Variants in PCDH15 observed in about 807,000 individuals in gnomAD.
PCDH15 encodes protocadherin-15.
In PCDH15, 129 loss-of-function variants were observed where a neutral mutation model predicts 178.5. That is an observed-to-expected ratio of 0.72 (90% CI 0.63 to 0.84). The LOEUF is 0.84. PCDH15 is among the 40% of genes least tolerant of loss of function. The probability of loss-of-function intolerance (pLI) is 0.00; values close to 1 mark genes in which losing one functional copy is unlikely to be tolerated. For synonymous variants in PCDH15, 800 were observed against 732.0 expected (o/e 1.09, Z -1.50); for missense variants, 2,230 against 2,099.9 (o/e 1.06, Z -1.21).
chr10:55,281,795 C>G (rs1274311140), intron 1 of PCDH15, among the ~76,000 whole-genome samples: 1 of 152,104 alleles, frequency 6.6e-6, no homozygotes, highest in African/African-American at 2.4e-5. Flanking sequence ...CCAGAATTTT[C>G]TCTTTTGATA....
rs759094376 is a variant in PCDH15 at position 53,831,454 on chromosome 10, G to A, written c.4063C>T (p.Arg1355Trp). ...ATGCTGGTCACTGCCTCTGGAGTCCGGATCTCCAGAATGCGTCCTCCTTCC... is the reference window on the plus strand; with the variant it reads ...ATGCTGGTCACTGCCTCTGGAGTCCAGATCTCCAGAATGCGTCCTCCTTCC... ...YGEGGRILEI[R>W]TPEAVTSIKK... is the part of the protein sequence containing the mutation. The change falls in exon 30 of 38, where the codon CGG becomes TGG. Residue 1355 changes from arginine (R) to tryptophan (W), a missense_variant. By Grantham distance (101) the Arg-to-Trp change is moderately radical. Transcript: ENST00000644397. 8.1e-6 allele frequency: 13 copies of A among 1,613,950 alleles called. No homozygotes were observed. Among genetic ancestry groups the A allele is most frequent in the East Asian group, 2.2e-5 (1 of 44,862 alleles).
chr10:54,320,404 T>G (rs1326684792), intron 7 of PCDH15, among the ~76,000 whole-genome samples: 2 of 152,062 alleles, frequency 1.3e-5, no homozygotes, highest in African/African-American at 4.8e-5. Context: ...GCTGTGTATA[T>G]GCACTCCCAT....
intron 1 of PCDH15, among the ~76,000 whole-genome samples, chr10:55,216,868 T>G (rs1564900783): frequency 6.6e-6 from 1 of 151,880 alleles, no homozygotes; most frequent in Non-Finnish European, 1.5e-5. Context: ...TGATACCTAA[T>G]AGACATTTGT....
intron 8 of PCDH15, among the ~76,000 whole-genome samples, chr10:54,300,567 G>T (rs1416640859): frequency 1.3e-5 from 2 of 152,160 alleles, no homozygotes; most frequent in Admixed American, 6.5e-5. Context: ...AGCTAGAGTG[G>T]TCATCGCCCA....
At chr10:54,986,869 C>T (rs2131911413) in intron 2 of PCDH15, among the ~76,000 whole-genome samples, 1 of 152,202 alleles carries the variant, frequency 6.6e-6, no homozygotes, top group South Asian at 2.1e-4. Flanking sequence ...AAGCAATAAT[C>T]TATAATTTCC....
chr10:55,543,694 C>T (rs1234680479), intron 2 of PCDH15, among the ~76,000 whole-genome samples: 3 of 150,826 alleles, frequency 2.0e-5, no homozygotes, highest in African/African-American at 7.3e-5. Context: ...ATTTTACAGA[C>T]CAGAAAAATC....
At chr10:53,967,124 T>C (rs1158716005) in intron 21 of PCDH15, among the ~76,000 whole-genome samples, 1 of 152,108 alleles carries the variant, frequency 6.6e-6, no homozygotes, top group Admixed American at 6.6e-5. Context: ...AACTTAAACA[T>C]GGGGGCAGTT....
intron 6 of PCDH15, among the ~76,000 whole-genome samples, chr10:54,332,963 G>A (rs2133942435): frequency 6.6e-6 from 1 of 151,778 alleles, no homozygotes; most frequent in South Asian, 2.1e-4. Context: ...TTATTGAGAT[G>A]GATGCAGTCT....
intron 2 of PCDH15, among the ~76,000 whole-genome samples, chr10:55,035,710 C>T (rs1381449164): frequency 6.6e-6 from 1 of 152,128 alleles, no homozygotes; most frequent in African/African-American, 2.4e-5. Flanking sequence ...ATTATGCAAA[C>T]AGCCAAAGAC....
intron 8 of PCDH15, among the ~76,000 whole-genome samples, chr10:54,285,813 C>A (rs2058993504): frequency 6.6e-6 from 1 of 152,030 alleles, no homozygotes; most frequent in South Asian, 2.1e-4. Context: ...TATGAACCAA[C>A]CTAATTGTTC....
chr10:54,221,791 C>T (rs1450202466), intron 9 of PCDH15, among the ~76,000 whole-genome samples: 3 of 151,926 alleles, frequency 2.0e-5, no homozygotes, highest in Non-Finnish European at 2.9e-5. Flanking sequence ...GTAGTAGAGA[C>T]GGGGTTTCAC....
intron 2 of PCDH15, among the ~76,000 whole-genome samples, chr10:55,597,723 G>C (rs925398546): frequency 2.6e-5 from 4 of 151,984 alleles, no homozygotes; most frequent in African/African-American, 9.7e-5. Flanking sequence ...TAAACTTCCA[G>C]GACTGCAAAT....
chr10:54,261,729 T>C (rs2132303450), intron 8 of PCDH15, among the ~76,000 whole-genome samples: 1 of 152,034 alleles, frequency 6.6e-6, no homozygotes, highest in African/African-American at 2.4e-5. Context: ...ATATCAGTGT[T>C]GGAGGAAGAG....
chr10:55,072,615 C>T (rs997541570), intron 2 of PCDH15, among the ~76,000 whole-genome samples: 7 of 152,008 alleles, frequency 4.6e-5, no homozygotes, highest in African/African-American at 1.7e-4. Flanking sequence ...AATAGCTTAC[C>T]AACCAAAAAG....
intron 3 of PCDH15, among the ~76,000 whole-genome samples, chr10:54,875,484 A>G (rs561288722): frequency 6.6e-6 from 1 of 152,198 alleles, no homozygotes; most frequent in Non-Finnish European, 1.5e-5. Context: ...ATATTTAAAG[A>G]CAAAATAGGA....
intron 20 of PCDH15, among the ~76,000 whole-genome samples, chr10:54,008,908 CT>C (rs1449752083): frequency 6.6e-6 from 1 of 152,128 alleles, no homozygotes; most frequent in African/African-American, 2.4e-5. Context: ...TCTTTTTCAT[CT>C]GCTTACATAT....
At chr10:54,765,100 T>C (rs552561933) in intron 1 of PCDH15, among the ~76,000 whole-genome samples, 1 of 152,100 alleles carries the variant, frequency 6.6e-6, no homozygotes. Context: ...AGAAAATAAA[T>C]AGAAATCTGT....
At chr10:54,999,570 G>C (rs1395381235) in intron 2 of PCDH15, among the ~76,000 whole-genome samples, 3 of 152,170 alleles carry the variant, frequency 2.0e-5, no homozygotes, top group African/African-American at 7.2e-5. Context: ...CTGCTGTAAG[G>C]ATGCTGGCTT....
intron 2 of PCDH15, among the ~76,000 whole-genome samples, chr10:55,063,382 A>G (rs1327905767): frequency 1.3e-5 from 2 of 152,080 alleles, no homozygotes; most frequent in Non-Finnish European, 2.9e-5. Flanking sequence ...CTCACATTTC[A>G]ATTCTGAAAC....
Sources: allele counts gnomAD v4.1 joint callset (sites outside exome capture counted in the v4.1 genomes callset), GRCh38; gene constraint gnomAD v4.1.1; transcripts MANE v1.5; gene names NCBI Gene and HGNC (gene_info 2026-07-23, HGNC 2026-07-21).